The following SPTBN4 variants were observed in gnomAD, a reference collection of about 807,000 sequenced individuals.
The protein encoded by SPTBN4 is spectrin beta chain, non-erythrocytic 4.
SPTBN4 carries 96 observed loss-of-function variants against 277.8 expected under a neutral mutation model. That is an observed-to-expected ratio of 0.35 (90% confidence interval 0.29 to 0.41). The LOEUF (loss-of-function observed/expected upper bound fraction) is 0.41. Ranked by LOEUF, SPTBN4 falls within the 10% of genes least tolerant of loss-of-function variation. SPTBN4 has a pLI of 1.00. For synonymous variants in SPTBN4, 1,481 were observed against 1,580.3 expected, an observed-to-expected ratio of 0.94 and a Z score of 1.49; for missense variants, 3,006 against 3,595.7, an observed-to-expected ratio of 0.84 and a Z score of 4.19.
At chr19:40,472,499 C>A in intron 1 of SPTBN4, 108 bp from the exon 2 acceptor site, 1 of 1,055,052 alleles carries the variant, frequency 9.5e-7, no homozygotes, top group Non-Finnish European at 1.4e-6. Flanking sequence ...ATTATGTCCA[C>A]TTTAAAGACA....
At chr19:40,558,079 G>A (rs993135817) in intron 26 of SPTBN4, among the ~76,000 whole-genome samples, 2 of 152,006 alleles carry the variant, frequency 1.3e-5, no homozygotes, top group African/African-American at 4.8e-5. Context: ...GACAGACAAG[G>A]CCAGGTGCGG....
intron 6 of SPTBN4, among the ~76,000 whole-genome samples, chr19:40,495,647 C>T (rs933210134): frequency 6.6e-6 from 1 of 151,886 alleles, no homozygotes; most frequent in Non-Finnish European, 1.5e-5. Context: ...GACTCCACCC[C>T]TAACCCCCCC....
Position 40,515,930 on chromosome 19 carries a change from CACACATATATACGTATATAT to C in SPTBN4, c.2903+548_2903+567del, listed in dbSNP as rs1303898464. Among the ~76,000 whole-genome samples the C allele has an allele frequency of 0.043, 5,253 of 123,548 alleles. 316 individuals are homozygous for C. Among genetic ancestry groups the C allele is most frequent in the South Asian group, 0.097 (363 of 3,758 alleles). The allele number at this position is 123,548 out of a possible 152,430, so 81.1% of individuals were successfully genotyped here. ...ATATATATACACACACATATATATACACACATATATACGTATATATACACATATATACGTATATATACACA... is the reference window on the plus strand; with the variant it reads ...ATATATATACACACACATATATATACACACATATATACGTATATATACACA... On this transcript the variant is annotated intron_variant, in intron 15 of 35. Coordinates refer to ENST00000598249, the MANE Select transcript of SPTBN4 (RefSeq NM_020971.3). The surrounding 1 kb of genome is among the most constrained non-coding windows in gnomAD (Gnocchi z 4.1).
chr19:40,516,581 T>C (rs2080463428), intron 15 of SPTBN4, among the ~76,000 whole-genome samples: 1 of 152,160 alleles, frequency 6.6e-6, no homozygotes, highest in Non-Finnish European at 1.5e-5. Context: ...CCCAGCACTT[T>C]GGGAGGCCAA....
Position 40,490,362 on chromosome 19 carries a change from T to G in SPTBN4, c.495+114T>G. On this transcript the variant is annotated intron_variant, in intron 4 of 35. Coordinates refer to ENST00000598249, the MANE Select transcript of SPTBN4 (RefSeq NM_020971.3). The surrounding 1 kb of genome is among the most constrained non-coding windows in gnomAD (Gnocchi z 4.3). ...ATAATATCCTAATATGCTGGAATCC[T>G]ATTCCAGGTGTTAGGGATGAAAATA... The G allele has an allele frequency of 8.0e-7, 1 of 1,251,140 alleles. No individual in the cohort carries two copies. Among genetic ancestry groups the G allele is most frequent in the Non-Finnish European group, 1.1e-6 (1 of 914,086 alleles). 77.5% of individuals were successfully genotyped at this position (1,251,140 alleles called of 1,614,324 possible).
intron 17 of SPTBN4, among the ~76,000 whole-genome samples, chr19:40,527,160 T>C (rs889509550): frequency 6.6e-6 from 1 of 152,178 alleles, no homozygotes; most frequent in African/African-American, 2.4e-5. Flanking sequence ...TATCCATCTA[T>C]TTCTGTATCT....
At chr19:40,469,507 C>T (rs191546520) in intron 1 of SPTBN4, among the ~76,000 whole-genome samples, 1 of 152,002 alleles carries the variant, frequency 6.6e-6, no homozygotes, top group Non-Finnish European at 1.5e-5. Flanking sequence ...TCGTGATCCA[C>T]CCGCCTCAGA....
At chr19:40,468,021 C>A (rs1209166512) in intron 1 of SPTBN4, among the ~76,000 whole-genome samples, 1 of 151,946 alleles carries the variant, frequency 6.6e-6, no homozygotes, top group Non-Finnish European at 1.5e-5. Context: ...ATACCATGAT[C>A]CCTGCATTAA....
Position 40,567,755 on chromosome 19 carries a change from G to C in SPTBN4, c.6429G>C (p.Lys2143Asn). The C allele has an allele frequency of 1.3e-6, 2 of 1,545,510 alleles. No individual in the cohort carries two copies. Among genetic ancestry groups the C allele is most frequent in the Non-Finnish European group, 1.7e-6 (2 of 1,146,218 alleles). The part of the protein sequence containing the change: ...FFGDPTELAA[K>N]AAPLLRPGGY... ...GGGACCCCACGGAACTGGCGGCCAAGGCGGCGCCCCTGCTGCGGCCAGGGG... is the reference window on the plus strand; with the variant it reads ...GGGACCCCACGGAACTGGCGGCCAACGCGGCGCCCCTGCTGCGGCCAGGGG... Residue 2143 changes from lysine to asparagine, a missense_variant, in exon 31 of 36, where the codon AAG becomes AAC. By Grantham distance (94) the Lys-to-Asn change is moderately conservative. Coordinates refer to ENST00000598249, the MANE Select transcript of SPTBN4 (RefSeq NM_020971.3).
chr19:40,530,725 C>A (rs563647692), intron 18 of SPTBN4: 38 of 268,404 alleles, frequency 1.4e-4, no homozygotes, highest in African/African-American at 8.8e-4. Flanking sequence ...GCCGGGCAGG[C>A]GCCCGGACCC....
At position 40,513,389 on chromosome 19, in the gene SPTBN4, C is replaced by T. The variant is rs1441914066; in HGVS notation, c.2600C>T (p.Thr867Ile). Residue 867 changes from threonine to isoleucine, a missense_variant, in exon 14 of 36, where the codon ACC becomes ATC. This residue lies in a region of SPTBN4 where 1,759 missense variants were observed against 2,061.5 expected (regional missense o/e 0.85). Transcript: ENST00000598249. ...GCAGAGCAGTTGTTCGCTGAGGTGA[C>T]CGAAGTGGCGGCGCTGAGGCGCCAG... ...VEAEQLFAEV[T>I]EVAALRRQWL... is the part of the protein sequence containing the mutation. The T allele has an allele frequency of 7.5e-6, 12 of 1,605,028 alleles. No individual in the cohort carries two copies. Among genetic ancestry groups the T allele is most frequent in the Non-Finnish European group, 1.0e-5 (12 of 1,177,172 alleles).
chr19:40,575,280 A>G (rs767241562), intron 35 of SPTBN4, 131 bp from the exon 36 acceptor site: 4 of 1,054,748 alleles, frequency 3.8e-6, no homozygotes, highest in Non-Finnish European at 5.3e-6. Flanking sequence ...ATGTAACTGC[A>G]TCATCATCAT....
intron 20 of SPTBN4, among the ~76,000 whole-genome samples, chr19:40,543,556 C>T (rs2080823829): frequency 6.6e-6 from 1 of 152,110 alleles, no homozygotes. Flanking sequence ...GAAGTCTTGG[C>T]TTGGTTCTTG....
chr19:40,498,920 T>C (rs912225156), intron 7 of SPTBN4, among the ~76,000 whole-genome samples: 1 of 152,060 alleles, frequency 6.6e-6, no homozygotes, highest in Non-Finnish European at 1.5e-5. Context: ...CAGGCTGGTC[T>C]CAAACTCCTG....
intron 24 of SPTBN4, among the ~76,000 whole-genome samples, chr19:40,555,779 G>A (rs1055146746): frequency 6.6e-6 from 1 of 152,036 alleles, no homozygotes; most frequent in Non-Finnish European, 1.5e-5. Flanking sequence ...AAGTTAGCCA[G>A]GTGTAGAGTC....
chr19:40,496,218 C>T (rs551799215), intron 6 of SPTBN4, among the ~76,000 whole-genome samples: 17 of 152,286 alleles, frequency 1.1e-4, no homozygotes, highest in African/African-American at 3.4e-4. Context: ...GGCACGATCT[C>T]GGCTCACTGC....
intron 30 of SPTBN4, chr19:40,567,256 C>G (rs1272205748): frequency 6.9e-6 from 2 of 291,534 alleles, no homozygotes; most frequent in Non-Finnish European, 1.5e-5. Context: ...TATGATCTTG[C>G]TGCTTGCACT....
intron 12 of SPTBN4, among the ~76,000 whole-genome samples, chr19:40,504,569 T>C (rs1052859887): frequency 2.6e-5 from 4 of 151,408 alleles, no homozygotes; most frequent in South Asian, 4.2e-4. Context: ...CTTGGGAGGC[T>C]GAGGCAGGAG....
intron 31 of SPTBN4, among the ~76,000 whole-genome samples, chr19:40,569,165 C>T (rs1286948710): frequency 6.6e-6 from 1 of 152,114 alleles, no homozygotes; most frequent in Non-Finnish European, 1.5e-5. Context: ...GTGGCTCACG[C>T]CTGTAATCTC....
Sources: gnomAD v4.1 joint callset for allele counts (sites outside exome capture counted in the v4.1 genomes callset) on GRCh38, gnomAD v4.1.1 for gene constraint, gnomAD v4.1.1 regional missense constraint, Gnocchi (gnomAD v3.1) non-coding constraint, MANE v1.5 for transcripts, NCBI Gene and HGNC (gene_info 2026-07-23, HGNC 2026-07-21) for gene names.